The following DPP10 variants were observed in gnomAD, a reference collection of about 807,000 sequenced individuals.
The protein encoded by DPP10 is dipeptidyl peptidase like 10.
In DPP10, 33 loss-of-function variants were observed where a neutral mutation model predicts 120.9. That is an observed-to-expected ratio of 0.27 (90% CI 0.21 to 0.37). The LOEUF is 0.37. Ranked by LOEUF, DPP10 falls within the 10% of genes least tolerant of loss-of-function variation. DPP10 has a pLI of 1.00. For synonymous variants in DPP10, 337 were observed against 326.1 expected (o/e 1.03, Z -0.36); for missense variants, 816 against 942.8 (o/e 0.87, Z 1.76).
intron 1 of DPP10, among the ~76,000 whole-genome samples, chr2:114,939,841 A>G (rs1224868894): frequency 6.6e-6 from 1 of 152,170 alleles, no homozygotes; most frequent in East Asian, 1.9e-4. Context: ...TATGGCTCAT[A>G]CCAAATATGT....
chr2:115,151,497 G>A (rs747478171), intron 1 of DPP10, among the ~76,000 whole-genome samples: 6 of 145,024 alleles, frequency 4.1e-5, no homozygotes, highest in Admixed American at 7.0e-5. Flanking sequence ...AACCTCTGCC[G>A]CCTGGGTTCA....
chr2:114,887,463 T>C (rs1232432681), intron 1 of DPP10, among the ~76,000 whole-genome samples: 1 of 152,250 alleles, frequency 6.6e-6, no homozygotes, highest in Non-Finnish European at 1.5e-5. Context: ...ATTCAGTTAA[T>C]TTACAACTCC....
At chr2:114,695,229 G>A (rs1700000503) in intron 1 of DPP10, among the ~76,000 whole-genome samples, 2 of 151,976 alleles carry the variant, frequency 1.3e-5, no homozygotes, top group African/African-American at 4.8e-5. Context: ...AGTGAAATGG[G>A]CGATTATGAA....
At chr2:114,919,933 G>A (rs1315961710) in intron 1 of DPP10, among the ~76,000 whole-genome samples, 1 of 152,152 alleles carries the variant, frequency 6.6e-6, no homozygotes, top group Non-Finnish European at 1.5e-5. Context: ...TAGCTAGCAT[G>A]GATTTGCTAA....
chr2:114,761,156 C>T (rs1385506817), intron 1 of DPP10, among the ~76,000 whole-genome samples: 1 of 152,134 alleles, frequency 6.6e-6, no homozygotes, highest in Non-Finnish European at 1.5e-5. Context: ...TGACTCCAAA[C>T]CCTTTGTGCT....
At chr2:114,644,114 T>G (rs2105445477) in intron 1 of DPP10, among the ~76,000 whole-genome samples, 1 of 149,208 alleles carries the variant, frequency 6.7e-6, no homozygotes, top group South Asian at 2.1e-4. Context: ...TTTTTTTTTT[T>G]TGTATTTTTA....
chr2:115,238,716 C>T (rs981169146), intron 1 of DPP10, among the ~76,000 whole-genome samples: 1 of 151,974 alleles, frequency 6.6e-6, no homozygotes, highest in Non-Finnish European at 1.5e-5. Context: ...CCAGTAAATA[C>T]GATGTGAACA....
rs1295283146 is a variant in DPP10 at position 114,545,720 on chromosome 2, G to A, written c.60+102882G>A. On this transcript the variant is annotated intron_variant, in intron 1 of 25. Coordinates refer to ENST00000410059, the MANE Select transcript of DPP10 (RefSeq NM_020868.6). ...TCTCTATTTTTCAGCCGCTTGTGGTGTTCATTTACCATTCAACACAGGTTA... is the reference window on the plus strand; with the variant it reads ...TCTCTATTTTTCAGCCGCTTGTGGTATTCATTTACCATTCAACACAGGTTA... Among the ~76,000 whole-genome samples, 2 of 152,294 alleles carry A rather than the reference G, an allele frequency of 1.3e-5. 1 individual carries two copies. The highest frequency in any genetic ancestry group is 6.8e-3 in the Middle Eastern group (2 of 294).
intron 1 of DPP10, among the ~76,000 whole-genome samples, chr2:114,872,044 A>G (rs1201895467): frequency 6.6e-6 from 1 of 152,208 alleles, no homozygotes; most frequent in Non-Finnish European, 1.5e-5. Context: ...ACAGATTAAC[A>G]TTAGCAAAGA....
At chr2:114,891,464 TAAATG>T (rs1489474615) in intron 1 of DPP10, among the ~76,000 whole-genome samples, 7 of 152,136 alleles carry the variant, frequency 4.6e-5, no homozygotes, top group Non-Finnish European at 8.8e-5. Flanking sequence ...AAACACCAGA[TAAATG>T]GAAAGGTTTG....
At chr2:115,379,914 G>T (rs2066162728) in intron 3 of DPP10, among the ~76,000 whole-genome samples, 11 of 152,156 alleles carry the variant, frequency 7.2e-5, no homozygotes. Flanking sequence ...TGTGGTCTGA[G>T]AGATAGTTTG....
chr2:114,854,868 T>C (rs1689250897), intron 1 of DPP10, among the ~76,000 whole-genome samples: 1 of 152,204 alleles, frequency 6.6e-6, no homozygotes, highest in Admixed American at 6.5e-5. Context: ...ATTTAATTGT[T>C]TTACAGTGTG....
At chr2:114,578,065 T>C (rs1573703369) in intron 1 of DPP10, among the ~76,000 whole-genome samples, 1 of 152,306 alleles carries the variant, frequency 6.6e-6, no homozygotes, top group South Asian at 2.1e-4. Context: ...TCGCAACCTA[T>C]AAATTTGTCA....
chr2:115,541,734 A>G (rs1034662448), intron 5 of DPP10, among the ~76,000 whole-genome samples: 1 of 151,900 alleles, frequency 6.6e-6, no homozygotes, highest in Non-Finnish European at 1.5e-5. Flanking sequence ...AAAGCTTACT[A>G]TGTAAGCTTT....
chr2:115,525,912 A>G lies in DPP10; in HGVS notation c.381A>G (p.Ala127=), dbSNP rs368084593. ...LENTTFVTFK[A]SRHSVSPDLK... is the part of the protein sequence containing the mutation. ...TCTTTTTCTAGGTAACCTTCAAAGC[A>G]TCAAGACATTCAGTTTCACCAGATT... The change falls in exon 5 of 26, where the codon GCA becomes GCG. Residue 127 remains alanine, a synonymous_variant. Coordinates refer to ENST00000410059, the MANE Select transcript of DPP10 (RefSeq NM_020868.6). 9 of 1,609,384 alleles carry G rather than the reference A, an allele frequency of 5.6e-6. No homozygotes were observed. In the African/African-American group the frequency reaches 6.7e-5, roughly 12 times the overall value.
At chr2:115,321,302 A>AAAAG (rs1436558792) in intron 2 of DPP10, among the ~76,000 whole-genome samples, 5 of 152,038 alleles carry the variant, frequency 3.3e-5, no homozygotes, top group African/African-American at 1.2e-4. Context: ...ACCCCATCTC[A>AAAAG]AAAGAAAGAA....
intron 5 of DPP10, among the ~76,000 whole-genome samples, chr2:115,637,733 T>C (rs1376935846): frequency 6.6e-6 from 1 of 152,184 alleles, no homozygotes; most frequent in Non-Finnish European, 1.5e-5. Flanking sequence ...CTATTTTCTC[T>C]AGGAGGGAGG....
intron 4 of DPP10, among the ~76,000 whole-genome samples, chr2:115,521,044 G>C (rs1176655011): frequency 1.3e-5 from 2 of 152,148 alleles, no homozygotes; most frequent in East Asian, 3.9e-4. Flanking sequence ...GAGCTAAGAA[G>C]GACAGGGAAG....
At chr2:115,754,641 A>G (rs1679171658) in intron 11 of DPP10, among the ~76,000 whole-genome samples, 1 of 152,176 alleles carries the variant, frequency 6.6e-6, no homozygotes, top group South Asian at 2.1e-4. Context: ...GGGAAATTAC[A>G]ATTGATAAAG....
Sources: gnomAD v4.1 joint callset for allele counts (sites outside exome capture counted in the v4.1 genomes callset) on GRCh38, gnomAD v4.1.1 for gene constraint, MANE v1.5 for transcripts, NCBI Gene and HGNC (gene_info 2026-07-23, HGNC 2026-07-21) for gene names.